The following NCAPG2 variants were observed in gnomAD, a reference collection of about 807,000 sequenced individuals.
The protein encoded by NCAPG2 is non-SMC condensin II complex subunit G2, also known as condensin-2 complex subunit G2.
Under a neutral mutation model 141.1 loss-of-function variants are expected in NCAPG2, and 53 were observed. That is an observed-to-expected ratio of 0.38 (90% CI 0.30 to 0.47). The LOEUF is 0.47. Ranked by LOEUF, NCAPG2 falls within the 20% of genes least tolerant of loss-of-function variation. The probability of loss-of-function intolerance (pLI) is 0.99; values close to 1 mark genes in which losing one functional copy is unlikely to be tolerated. For missense variants in NCAPG2, 1,087 were observed against 1,389.0 expected (o/e 0.78, Z 3.46); for synonymous variants, 499 against 490.7 (o/e 1.02, Z -0.22).
intron 13 of NCAPG2, among the ~76,000 whole-genome samples, chr7:158,669,176 G>A (rs1007050658): frequency 3.3e-5 from 5 of 152,204 alleles, no homozygotes; most frequent in African/African-American, 1.2e-4. Context: ...ATCATCGAAG[G>A]GCATTTAGGT....
At chr7:158,699,331 C>A (rs770476138) in intron 2 of NCAPG2, among the ~76,000 whole-genome samples, 2 of 152,186 alleles carry the variant, frequency 1.3e-5, no homozygotes, top group Non-Finnish European at 2.9e-5. Flanking sequence ...CAGCTCCACT[C>A]TGGAACACTT....
chr7:158,643,432 G>A (rs548508330), intron 27 of NCAPG2, among the ~76,000 whole-genome samples: 2 of 152,260 alleles, frequency 1.3e-5, no homozygotes, highest in East Asian at 3.9e-4. Flanking sequence ...GGCCAGGCTG[G>A]TCTCAAACTC....
chr7:158,663,701 C>T (rs10949738), intron 15 of NCAPG2, among the ~76,000 whole-genome samples: 83,199 of 152,170 alleles, frequency 0.55, 23,321 homozygotes, highest in Non-Finnish European at 0.61. Context: ...ACCCCAAAAT[C>T]TTACTTTAGA....
At chr7:158,645,474 G>A (rs149366298) in intron 26 of NCAPG2, 45 bp downstream of exon 26, 2 of 1,550,128 alleles carry the variant, frequency 1.3e-6, no homozygotes, top group Non-Finnish European at 1.8e-6. Flanking sequence ...GCACCTGTGA[G>A]GTGCACCAGC....
intron 26 of NCAPG2, 111 bp downstream of exon 26, chr7:158,645,408 C>A: frequency 1.1e-6 from 1 of 877,898 alleles, no homozygotes; most frequent in Non-Finnish European, 1.8e-6. Flanking sequence ...CTGGGGGACA[C>A]CTGAGCTGGC....
chr7:158,701,992 A>G, intron 1 of NCAPG2, 54 bp from the exon 2 acceptor site: 4 of 1,149,400 alleles, frequency 3.5e-6, no homozygotes, highest in Non-Finnish European at 5.0e-6. Flanking sequence ...TTTTCCTGTA[A>G]GATTTAATTT....
chr7:158,640,351 C>T (rs776197802), intron 27 of NCAPG2: 1 of 152,094 alleles, frequency 6.6e-6, no homozygotes, highest in African/African-American at 2.4e-5. Flanking sequence ...GCCTGGGCAA[C>T]ATGGTGAAGC....
chr7:158,650,708 A>G, intron 24 of NCAPG2, 124 bp downstream of exon 24: 1 of 1,252,352 alleles, frequency 8.0e-7, no homozygotes. Context: ...AAAGTGCACC[A>G]CTCACTCAAG....
intron 6 of NCAPG2, among the ~76,000 whole-genome samples, chr7:158,687,846 T>G (rs1193660698): frequency 6.6e-6 from 1 of 152,182 alleles, no homozygotes; most frequent in Non-Finnish European, 1.5e-5. Flanking sequence ...CATTTCACCT[T>G]CTCATTTATA....
chr7:158,667,167 C>T, intron 13 of NCAPG2: 1 of 985,422 alleles, frequency 1.0e-6, no homozygotes, highest in South Asian at 4.7e-5. Flanking sequence ...AAATGGCTGT[C>T]TGCCTTGCAC....
chr7:158,640,825 T>C (rs2129456582), intron 27 of NCAPG2: 1 of 152,292 alleles, frequency 6.6e-6, no homozygotes, highest in East Asian at 1.9e-4. Flanking sequence ...ATTTTTCTTA[T>C]TCTTAAATGA....
chr7:158,662,242 C>T lies in NCAPG2; in HGVS notation c.1941G>A (p.Thr647=), dbSNP rs200571996. ...GAAGCACAGAGGCAAACTTGTTAAT[C>T]GTGTAAAGTTTGGCCTCTTTATTAT... ...MENNKEAKLY[T]INKFASVLPE... The change falls in exon 16 of 28, where the codon ACG becomes ACA. Residue 647 remains threonine (T), a synonymous_variant. Coordinates refer to ENST00000356309, the MANE Select transcript of NCAPG2 (RefSeq NM_017760.7). 2.2e-5 allele frequency: 35 copies of T among 1,609,498 alleles called. 1 individual carries two copies. In the East Asian group the frequency reaches 2.5e-4, roughly 11 times the overall value.
chr7:158,655,430 G>A lies in NCAPG2; in HGVS notation c.2414C>T (p.Thr805Ile). Residue 805 changes from threonine (T) to isoleucine (I), a missense_variant, in exon 20 of 28, where the codon ACA (threonine) becomes ATA (isoleucine). Coordinates refer to ENST00000356309, the MANE Select transcript of NCAPG2 (RefSeq NM_017760.7). ...SKADLESLLQ[T>I]PGGKPRGFSE... ...GAAGCCACGAGGCTTCCCACCCGGT[G>A]TCTGCAGAAGTGACTCCAGATCTGC... 1 of 1,614,084 alleles carries A rather than the reference G, an allele frequency of 6.2e-7. No individual in the cohort carries two copies. Among genetic ancestry groups the A allele is most frequent in the Non-Finnish European group, 8.5e-7 (1 of 1,180,034 alleles).
At chr7:158,686,516 A>G (rs1197910200) in intron 7 of NCAPG2, among the ~76,000 whole-genome samples, 1 of 152,222 alleles carries the variant, frequency 6.6e-6, no homozygotes, top group African/African-American at 2.4e-5. Context: ...TGAGTGCATA[A>G]GTCCAGAACA....
chr7:158,704,324 G>A (rs1032776080), intron 1 of NCAPG2, among the ~76,000 whole-genome samples: 4 of 147,908 alleles, frequency 2.7e-5, no homozygotes, highest in Non-Finnish European at 4.5e-5. Flanking sequence ...GGACTGAGGG[G>A]ACACTCTCTG....
intron 24 of NCAPG2, among the ~76,000 whole-genome samples, chr7:158,650,077 G>A (rs919753662): frequency 1.3e-4 from 19 of 151,926 alleles, no homozygotes; most frequent in African/African-American, 2.7e-4. Context: ...TCTTTGAGAC[G>A]GAGTCTCGCC....
chr7:158,680,878 G>T, intron 9 of NCAPG2, 62 bp from the exon 10 acceptor site: 1 of 1,277,542 alleles, frequency 7.8e-7, no homozygotes, highest in Non-Finnish European at 1.1e-6. Context: ...AAAATAAAAT[G>T]GCATTTGGAA....
chr7:158,683,859 G>A (rs1055293519), intron 8 of NCAPG2, among the ~76,000 whole-genome samples: 1 of 152,204 alleles, frequency 6.6e-6, no homozygotes, highest in African/African-American at 2.4e-5. Context: ...GTTGACAAGG[G>A]CTGAGCAAGG....
At chr7:158,656,929 A>G (rs1037087860) in intron 17 of NCAPG2, among the ~76,000 whole-genome samples, 4 of 152,350 alleles carry the variant, frequency 2.6e-5, no homozygotes, top group Admixed American at 2.6e-4. Flanking sequence ...GACACTGAAG[A>G]AGCAGGGCAC....
Sources: gnomAD v4.1 joint callset for allele counts (sites outside exome capture counted in the v4.1 genomes callset) on GRCh38, gnomAD v4.1.1 for gene constraint, MANE v1.5 for transcripts, NCBI Gene and HGNC (gene_info 2026-07-23, HGNC 2026-07-21) for gene names.